Variants in DENND1A observed in about 807,000 individuals in gnomAD.
DENND1A encodes DENN domain containing 1A.
DENND1A carries 51 observed loss-of-function variants against 113.7 expected under a neutral mutation model. That is an observed-to-expected ratio of 0.45 (90% CI 0.36 to 0.57). The LOEUF (loss-of-function observed/expected upper bound fraction) is 0.57, where lower values mean the gene tolerates loss of function less well. Among genes scored for constraint, DENND1A ranks in the 20% least tolerant of loss-of-function variants. The probability of loss-of-function intolerance (pLI) is 0.00; values close to 1 mark genes in which losing one functional copy is unlikely to be tolerated. For synonymous variants in DENND1A, 565 were observed against 570.8 expected, an observed-to-expected ratio of 0.99 and a Z score of 0.14; for missense variants, 1,258 against 1,395.9, an observed-to-expected ratio of 0.90 and a Z score of 1.57.
intron 22 of DENND1A, among the ~76,000 whole-genome samples, chr9:123,384,861 T>C (rs1407039206): frequency 6.6e-6 from 1 of 152,026 alleles, no homozygotes; most frequent in African/African-American, 2.4e-5. Flanking sequence ...GGCATGGGAA[T>C]TGCTTGAACC....
chr9:123,900,258 CA>C (rs1422236186), intron 1 of DENND1A, among the ~76,000 whole-genome samples: 1 of 152,120 alleles, frequency 6.6e-6, no homozygotes, highest in Non-Finnish European at 1.5e-5. Context: ...CAGTCAACAC[CA>C]AACTGCATCA....
At chr9:123,817,361 C>T (rs554855125) in intron 2 of DENND1A, among the ~76,000 whole-genome samples, 6 of 152,254 alleles carry the variant, frequency 3.9e-5, no homozygotes, top group Admixed American at 6.5e-5. Flanking sequence ...TTGGTCCACA[C>T]GCCGGGGGGT....
chr9:123,491,143 C>T (rs2051337692), intron 13 of DENND1A, among the ~76,000 whole-genome samples: 1 of 152,190 alleles, frequency 6.6e-6, no homozygotes, highest in Non-Finnish European at 1.5e-5. Flanking sequence ...CTGCAGAGTG[C>T]AGAACTAGGA....
At chr9:123,895,612 ACT>A in intron 1 of DENND1A, among the ~76,000 whole-genome samples, 1 of 149,992 alleles carries the variant, frequency 6.7e-6, no homozygotes, top group East Asian at 1.9e-4. Flanking sequence ...ATAGAGTGAG[ACT>A]CTGACTCAAA....
intron 11 of DENND1A, among the ~76,000 whole-genome samples, chr9:123,585,055 G>A (rs2059096789): frequency 6.7e-6 from 1 of 148,842 alleles, no homozygotes; most frequent in African/African-American, 2.5e-5. Flanking sequence ...CAGCAGGAGG[G>A]TGGAGCCACA....
intron 11 of DENND1A, among the ~76,000 whole-genome samples, chr9:123,589,593 C>T (rs530218673): frequency 6.9e-6 from 1 of 144,236 alleles, no homozygotes; most frequent in Non-Finnish European, 1.5e-5. Flanking sequence ...GCCAAAGCTC[C>T]TGCCAGCTGC....
chr9:123,461,524 A>C (rs369795698), intron 13 of DENND1A, among the ~76,000 whole-genome samples: 5 of 152,176 alleles, frequency 3.3e-5, no homozygotes, highest in African/African-American at 1.2e-4. Flanking sequence ...AGCTGCTCCA[A>C]GGAAATGCTC....
intron 22 of DENND1A, among the ~76,000 whole-genome samples, chr9:123,387,129 A>C (rs1463988502): frequency 6.6e-6 from 1 of 152,226 alleles, no homozygotes; most frequent in African/African-American, 2.4e-5. Context: ...GTGGAGGGGC[A>C]AGAACGGGTA....
chr9:123,579,607 G>A (rs2058790881), intron 12 of DENND1A, among the ~76,000 whole-genome samples: 1 of 152,148 alleles, frequency 6.6e-6, no homozygotes. Flanking sequence ...GTTTAGGAGG[G>A]ATGAGGAAGA....
intron 13 of DENND1A, among the ~76,000 whole-genome samples, chr9:123,475,003 G>A (rs1015643267): frequency 6.6e-6 from 1 of 151,634 alleles, no homozygotes; most frequent in Admixed American, 6.6e-5. Context: ...TTGTCACACC[G>A]CTGTGTGGGT....
intron 13 of DENND1A, among the ~76,000 whole-genome samples, chr9:123,490,749 T>C (rs899316869): frequency 8.5e-5 from 13 of 152,246 alleles, no homozygotes; most frequent in African/African-American, 2.9e-4. Context: ...TTTCAATACT[T>C]AATCAATATA....
At chr9:123,697,485 T>G (rs928179462) in intron 5 of DENND1A, among the ~76,000 whole-genome samples, 3 of 152,184 alleles carry the variant, frequency 2.0e-5, no homozygotes, top group Non-Finnish European at 4.4e-5. Flanking sequence ...GGTGCACCCA[T>G]CACTCGAGCA....
At position 123,522,418 on chromosome 9, in the gene DENND1A, AGCTGGTTT is replaced by A. The variant is rs2054470995; in HGVS notation, c.993+35144_993+35151del. Reference sequence around the variant, plus strand: ...AGGCCTGGTGCATGGGAGCAATTAGAGCTGGTTTGCAACAACTAGTGCTGTTCTATTCA... The same window carrying A: ...AGGCCTGGTGCATGGGAGCAATTAGAGCAACAACTAGTGCTGTTCTATTCA... On this transcript the variant is annotated intron_variant, in intron 13 of 23. Transcript: ENST00000394215. Among the ~76,000 whole-genome samples the A allele has an allele frequency of 5.3e-5, 8 of 152,318 alleles. No individual in the cohort carries two copies. The South Asian group carries it at 1.7e-3, about 32-fold the overall frequency.
In DENND1A at chr9:123,630,484, A is replaced by G; in HGVS notation, c.619-8T>C. 1.3e-6 allele frequency: 2 copies of G among 1,546,856 alleles called. No individual in the cohort carries two copies. Among genetic ancestry groups the G allele is most frequent in the Non-Finnish European group, 1.8e-6 (2 of 1,142,516 alleles). On this transcript the variant is annotated splice_polypyrimidine_tract_variant and splice_region_variant and intron_variant, in intron 9 of 23. Transcript: ENST00000394215. Reference sequence around the variant, plus strand: ...GTGGATGCAGGCAGTCAGCTGGAACAGAGCAAAGCAGAGATCAATGAACAA... The same window carrying G: ...GTGGATGCAGGCAGTCAGCTGGAACGGAGCAAAGCAGAGATCAATGAACAA...
intron 12 of DENND1A, among the ~76,000 whole-genome samples, chr9:123,579,162 T>C (rs529943616): frequency 1.3e-5 from 2 of 152,252 alleles, no homozygotes; most frequent in Non-Finnish European, 2.9e-5. Flanking sequence ...CATCAGCTAC[T>C]GTCGATTGTG....
intron 6 of DENND1A, among the ~76,000 whole-genome samples, chr9:123,673,816 A>G (rs571493991): frequency 2.6e-5 from 4 of 152,168 alleles, no homozygotes; most frequent in Non-Finnish European, 5.9e-5. Flanking sequence ...CTGTGACTTC[A>G]TCCTACGAAA....
At chr9:123,810,710 G>A (rs1464784777) in intron 2 of DENND1A, among the ~76,000 whole-genome samples, 1 of 151,050 alleles carries the variant, frequency 6.6e-6, no homozygotes, top group Non-Finnish European at 1.5e-5. Flanking sequence ...GGACAAACTT[G>A]ATCTAGAATT....
At chr9:123,607,649 CA>C (rs1184107151) in intron 11 of DENND1A, among the ~76,000 whole-genome samples, 2 of 148,818 alleles carry the variant, frequency 1.3e-5, no homozygotes, top group Non-Finnish European at 1.5e-5. Flanking sequence ...ATCCAACTGG[CA>C]CTTTAAACTT....
intron 11 of DENND1A, among the ~76,000 whole-genome samples, chr9:123,585,995 G>A (rs999654209): frequency 2.0e-5 from 3 of 152,076 alleles, no homozygotes; most frequent in Admixed American, 2.0e-4. Flanking sequence ...GGCTGTAGTG[G>A]CAATGGCCCG....
Sources: allele counts gnomAD v4.1 joint callset (sites outside exome capture counted in the v4.1 genomes callset), GRCh38; gene constraint gnomAD v4.1.1; transcripts MANE v1.5; gene names NCBI Gene and HGNC (gene_info 2026-07-23, HGNC 2026-07-21).